The following PKNOX2 variants were observed in gnomAD, a reference collection of about 807,000 sequenced individuals.
The protein encoded by PKNOX2 is PBX/knotted 1 homeobox 2.
Under a neutral mutation model 53.1 loss-of-function variants are expected in PKNOX2, and 14 were observed. That is an observed-to-expected ratio of 0.26 (90% CI 0.17 to 0.41). PKNOX2 has a LOEUF of 0.41. Among genes scored for constraint, PKNOX2 ranks in the 10% least tolerant of loss-of-function variants. The pLI, the probability that PKNOX2 is intolerant of heterozygous loss-of-function variation, is 1.00. For synonymous variants in PKNOX2, 257 were observed against 242.8 expected, an observed-to-expected ratio of 1.06 and a Z score of -0.54; for missense variants, 496 against 602.8, an observed-to-expected ratio of 0.82 and a Z score of 1.85.
intron 1 of PKNOX2, among the ~76,000 whole-genome samples, chr11:125,229,335 G>C (rs2135541284): frequency 6.6e-6 from 1 of 152,336 alleles, no homozygotes; most frequent in Admixed American, 6.5e-5. Context: ...CCAGTTAAAA[G>C]GAGGCGGCTG....
rs374857085 is a variant in PKNOX2 at position 125,215,480 on chromosome 11, G to A, written c.-200-19565G>A. Among the ~76,000 whole-genome samples, 88 of 152,156 alleles carry A rather than the reference G, an allele frequency of 5.8e-4. 1 individual carries two copies. Among genetic ancestry groups the A allele is most frequent in the Admixed American group, 1.1e-3 (17 of 15,286 alleles). ...AAACTGCTATTTCCATGCTGGGCGC[G>A]GTGGCTCATGCCTGCAATCTCAGCA... On this transcript the variant is annotated intron_variant, in intron 1 of 12. Coordinates refer to ENST00000298282, the MANE Select transcript of PKNOX2 (RefSeq NM_001382323.2).
At chr11:125,322,805 T>C (rs966365809) in intron 2 of PKNOX2, among the ~76,000 whole-genome samples, 1 of 152,218 alleles carries the variant, frequency 6.6e-6, no homozygotes, top group Admixed American at 6.5e-5. Flanking sequence ...TTTGTGACCT[T>C]AGCCGAGACA....
intron 1 of PKNOX2, among the ~76,000 whole-genome samples, chr11:125,219,000 C>T (rs2135487310): frequency 6.6e-6 from 1 of 152,210 alleles, no homozygotes; most frequent in South Asian, 2.1e-4. Flanking sequence ...GGCATCACAC[C>T]CATGTCCAGG....
At chr11:125,188,629 A>G (rs1956598089) in intron 1 of PKNOX2, among the ~76,000 whole-genome samples, 1 of 152,164 alleles carries the variant, frequency 6.6e-6, no homozygotes, top group South Asian at 2.1e-4. Context: ...CTTCTGGCCC[A>G]GCAACTTTTG....
At chr11:125,235,642 C>T (rs1942612262) in intron 2 of PKNOX2, among the ~76,000 whole-genome samples, 1 of 152,242 alleles carries the variant, frequency 6.6e-6, no homozygotes, top group Admixed American at 6.5e-5. Context: ...TATTGGTTCT[C>T]CCCACTTGGC....
rs554229643 is a variant in PKNOX2, at chr11:125,341,248, C to T, written c.-23+9323C>T. On this transcript the variant is annotated intron_variant, in intron 3 of 12. Transcript: ENST00000298282. ...GTGCACGCCTGTAGTCCCAGCTACT[C>T]GGGAGGCTGGGGCAGGAGAATCGCT... Among the ~76,000 whole-genome samples, 17 of 150,914 alleles carry T rather than the reference C, an allele frequency of 1.1e-4. No homozygotes were observed. In the South Asian group the frequency reaches 1.9e-3, roughly 17 times the overall value.
intron 10 of PKNOX2, among the ~76,000 whole-genome samples, chr11:125,417,388 A>C (rs1392017379): frequency 6.6e-6 from 1 of 152,050 alleles, no homozygotes; most frequent in Non-Finnish European, 1.5e-5. Context: ...CATCCACCAG[A>C]GGAGCCGCTT....
At chr11:125,404,744 C>T (rs910071866) in intron 7 of PKNOX2, among the ~76,000 whole-genome samples, 3 of 152,160 alleles carry the variant, frequency 2.0e-5, no homozygotes, top group South Asian at 4.1e-4. Flanking sequence ...TAAGCAGTTT[C>T]GGGGAATTCA....
In PKNOX2 at chr11:125,352,417, C is replaced by T. The variant is rs1307921749; in HGVS notation, c.87+1025C>T. ...ACCATCTGCACTCCTCCAGCAGCCA[C>T]TCTCTGCCCTCCTCTGCCATCCCTC... is the stretch of plus-strand genomic sequence containing the variant. On this transcript the variant is annotated intron_variant, in intron 4 of 12. Coordinates refer to ENST00000298282, the MANE Select transcript of PKNOX2 (RefSeq NM_001382323.2). This position sits in a 1 kb window ranked among gnomAD's most constrained non-coding sequence, Gnocchi z 4.1. 6.6e-6 allele frequency among the ~76,000 whole-genome samples: 1 copy of T among 152,222 alleles called. No individual in the cohort carries two copies. The highest frequency in any genetic ancestry group is 6.5e-5 in the Admixed American group (1 of 15,286).
At chr11:125,385,743 A>T in intron 6 of PKNOX2, 21 bp downstream of exon 6, 1 of 1,608,788 alleles carries the variant, frequency 6.2e-7, no homozygotes, top group South Asian at 1.1e-5. Context: ...TCCACCCTCT[A>T]CCCTGGCTAG....
intron 1 of PKNOX2, among the ~76,000 whole-genome samples, chr11:125,182,041 A>T (rs1433829081): frequency 6.6e-6 from 1 of 152,200 alleles, no homozygotes; most frequent in Non-Finnish European, 1.5e-5. Flanking sequence ...ACAGGCCTAA[A>T]GCTGCTCTCC....
At chr11:125,329,942 C>A (rs1950036472) in intron 2 of PKNOX2, among the ~76,000 whole-genome samples, 1 of 152,160 alleles carries the variant, frequency 6.6e-6, no homozygotes, top group Admixed American at 6.5e-5. Flanking sequence ...GGACGTGGTG[C>A]CACAGCTGTA....
At chr11:125,227,761 G>A (rs1010266510) in intron 1 of PKNOX2, among the ~76,000 whole-genome samples, 1 of 152,208 alleles carries the variant, frequency 6.6e-6, no homozygotes, top group African/African-American at 2.4e-5. Flanking sequence ...AAAAGTGGAG[G>A]CATGTTTTTA....
intron 2 of PKNOX2, among the ~76,000 whole-genome samples, chr11:125,271,996 C>T (rs1207449462): frequency 6.6e-6 from 1 of 152,252 alleles, no homozygotes. Context: ...CCATAGACCT[C>T]TCAACGCTAT....
chr11:125,181,077 C>G (rs1450322174), intron 1 of PKNOX2, among the ~76,000 whole-genome samples: 1 of 152,174 alleles, frequency 6.6e-6, no homozygotes, highest in African/African-American at 2.4e-5. Flanking sequence ...TACCACATAC[C>G]AGGCACTGTT....
chr11:125,368,632 G>A (rs1465293276), intron 5 of PKNOX2, among the ~76,000 whole-genome samples: 3 of 152,216 alleles, frequency 2.0e-5, no homozygotes, highest in African/African-American at 7.2e-5. Context: ...TCCCCAAGAA[G>A]GGGAGTTTGC....
intron 5 of PKNOX2, among the ~76,000 whole-genome samples, chr11:125,384,421 C>A (rs1002198711): frequency 6.6e-6 from 1 of 152,142 alleles, no homozygotes; most frequent in Non-Finnish European, 1.5e-5. Flanking sequence ...GGTGGTGGCT[C>A]ACGCCTGTAA....
chr11:125,318,910 G>GA (rs773335462), intron 2 of PKNOX2, among the ~76,000 whole-genome samples: 2 of 152,142 alleles, frequency 1.3e-5, no homozygotes, highest in Non-Finnish European at 2.9e-5. Flanking sequence ...TGTTATGTAA[G>GA]ACGTGCCTTG....
chr11:125,277,611 C>T (rs1459384263), intron 2 of PKNOX2: 1 of 152,070 alleles, frequency 6.6e-6, no homozygotes, highest in Admixed American at 6.6e-5. Flanking sequence ...ATTAGCTTGG[C>T]CCTGCACAAG....
Sources: allele counts gnomAD v4.1 joint callset (sites outside exome capture counted in the v4.1 genomes callset), GRCh38; gene constraint gnomAD v4.1.1; non-coding constraint Gnocchi (gnomAD v3.1); transcripts MANE v1.5; gene names NCBI Gene and HGNC (gene_info 2026-07-23, HGNC 2026-07-21).